The following DGKK variants were observed in gnomAD, a reference collection of about 807,000 sequenced individuals.
DGKK encodes the protein diacylglycerol kinase kappa.
In DGKK, 35 loss-of-function variants were observed where a neutral mutation model predicts 92.2. The ratio of observed to expected loss-of-function variants is 0.38; its 90% CI spans 0.29 to 0.50. The LOEUF (loss-of-function observed/expected upper bound fraction) is 0.50, where lower values mean the gene tolerates loss of function less well. Among genes scored for constraint, DGKK ranks in the 20% least tolerant of loss-of-function variants. DGKK has a pLI of 0.92. For missense variants in DGKK, 910 were observed against 992.2 expected (o/e 0.92, Z 1.11); for synonymous variants, 368 against 360.6 (o/e 1.02, Z -0.23).
At chrX:50,429,175 C>T (rs1278717151) in intron 1 of DGKK, among the ~76,000 whole-genome samples, 1 of 111,670 alleles carries the variant, frequency 9.0e-6, no homozygotes, top group African/African-American at 3.3e-5. Flanking sequence ...TGCAGTATCA[C>T]GTCTGACTTC....
In DGKK at chrX:50,450,313, T is replaced by C. The variant is rs781788208; in HGVS notation, c.645+19721A>G. ...CTGATTACTTGACCACATCATACAC[T>C]GGCTGTTTAGTTTCCAACTGCCATT... On this transcript the variant is annotated intron_variant, in intron 1 of 27. Coordinates refer to ENST00000611977, the MANE Select transcript of DGKK (RefSeq NM_001013742.4). 3.6e-5 allele frequency among the ~76,000 whole-genome samples: 4 copies of C among 112,260 alleles called. No homozygotes were observed. The East Asian group carries it at 1.1e-3, about 32-fold the overall frequency.
At chrX:50,421,673 A>G (rs1308412306) in intron 3 of DGKK, among the ~76,000 whole-genome samples, 1 of 111,974 alleles carries the variant, frequency 8.9e-6, no homozygotes, top group Non-Finnish European at 1.9e-5. Context: ...TGAGAGAGTA[A>G]CAAAGCAAAA....
Position 50,376,905 on chromosome X carries a change from G to A in DGKK, c.3125C>T (p.Ser1042Leu). 8.3e-7 allele frequency: 1 copy of A among 1,199,054 alleles called. No individual in the cohort carries two copies. Among genetic ancestry groups the A allele is most frequent in the Middle Eastern group, 2.4e-4 (1 of 4,254 alleles). The change falls in exon 23 of 28, where the codon TCA becomes TTA. Residue 1042 changes from serine to leucine, a missense_variant. By Grantham distance (145) the Ser-to-Leu change is moderately radical. Transcript: ENST00000611977. ...ATGCTTGTATTCCCACATTTTCATT[G>A]AGTTCTCAAAGTCCTGGAGATGAAT... The part of the protein sequence containing the change: ...MLTRDRDFEN[S>L]MKMWEYKHTE...
chrX:50,404,178 C>G lies in DGKK; in HGVS notation c.949G>C (p.Ala317Pro). The change falls in exon 5 of 28, where the codon GCA (alanine) becomes CCA (proline). Residue 317 changes from alanine to proline, a missense_variant. Transcript: ENST00000611977. ...IQQGEIYKIP[A>P]AENNPFLVGM... ...ACAAGAAAAGGGTTGTTTTCTGCTGCAGGTATCTAAAATAAATAAACGAGA... is the reference window on the plus strand; with the variant it reads ...ACAAGAAAAGGGTTGTTTTCTGCTGGAGGTATCTAAAATAAATAAACGAGA... 1 of 1,204,079 alleles carries G rather than the reference C, an allele frequency of 8.3e-7. No homozygotes were observed. Among genetic ancestry groups the G allele is most frequent in the African/African-American group, 1.7e-5 (1 of 57,491 alleles).
At chrX:50,466,295 C>G (rs1163999872) in intron 1 of DGKK, among the ~76,000 whole-genome samples, 1 of 110,923 alleles carries the variant, frequency 9.0e-6, no homozygotes, top group Non-Finnish European at 1.9e-5. Context: ...TTCATTCTGA[C>G]CTTCAACAGG....
intron 7 of DGKK, among the ~76,000 whole-genome samples, chrX:50,402,329 C>A (rs2147128921): frequency 9.0e-6 from 1 of 111,582 alleles, no homozygotes; most frequent in East Asian, 2.8e-4. Context: ...GAGGAGCCCA[C>A]CTCACACGAG....
In DGKK at chrX:50,470,744, G is replaced by A. The variant is rs1326089325; in HGVS notation, c.-66C>T. 32 of 1,064,259 alleles carry A rather than the reference G, an allele frequency of 3.0e-5. No individual in the cohort carries two copies. In the East Asian group the frequency reaches 1.0e-3, roughly 35 times the overall value. 87.7% of individuals were successfully genotyped at this position (1,064,259 alleles called of 1,213,427 possible). ...AGCCTGGAAGGCTAAAGTACCCTCG[G>A]GCGCCCCGCCCACTCCAGTCCGGCA... is the stretch of plus-strand genomic sequence containing the variant. On this transcript the variant is annotated 5_prime_UTR_variant, in exon 1 of 28. Transcript: ENST00000611977.
At chrX:50,469,545 C>G (rs1926997997) in intron 1 of DGKK, among the ~76,000 whole-genome samples, 1 of 112,305 alleles carries the variant, frequency 8.9e-6, no homozygotes, top group Admixed American at 9.3e-5. Flanking sequence ...TGAGGCGCCC[C>G]CTCCCCAGTG....
intron 4 of DGKK, among the ~76,000 whole-genome samples, chrX:50,419,625 A>T (rs1464108653): frequency 1.8e-5 from 2 of 112,136 alleles, no homozygotes; most frequent in African/African-American, 6.5e-5. Context: ...TCATTTATTC[A>T]TTCAAAAGAT....
intron 1 of DGKK, among the ~76,000 whole-genome samples, chrX:50,450,907 T>C (rs937209682): frequency 2.4e-4 from 27 of 111,571 alleles, no homozygotes; most frequent in Non-Finnish European, 3.8e-4. Context: ...TGTTGCAATG[T>C]CAATGCATAA....
intron 11 of DGKK, 101 bp from the exon 12 acceptor site, chrX:50,390,510 G>A (rs782627585): frequency 1.2e-5 from 9 of 738,803 alleles, no homozygotes; most frequent in African/African-American, 2.1e-5. Flanking sequence ...TTTATGTGGT[G>A]GGGGGAGGTG....
intron 5 of DGKK, 46 bp from the exon 6 acceptor site, chrX:50,403,643 T>C: frequency 9.6e-7 from 1 of 1,044,028 alleles, no homozygotes; most frequent in Non-Finnish European, 1.3e-6. Context: ...CTGGTGACAG[T>C]GAGGATTCTA....
Position 50,388,574 on chromosome X carries a change from G to T in DGKK, c.1971C>A (p.Asn657Lys). 1 of 1,208,574 alleles carries T rather than the reference G, an allele frequency of 8.3e-7. No homozygotes were observed. Among genetic ancestry groups the T allele is most frequent in the Non-Finnish European group, 1.1e-6 (1 of 893,950 alleles). ...QHLESAATEL[N>K]KILKAKYPTE... is the part of the protein sequence containing the mutation. ...TGGGGTACTTGGCCTTCAGGATTTTGTTCAACTCGGTGGCTGCAGATTCTA... is the reference window on the plus strand; with the variant it reads ...TGGGGTACTTGGCCTTCAGGATTTTTTTCAACTCGGTGGCTGCAGATTCTA... Residue 657 changes from asparagine to lysine, a missense_variant, in exon 13 of 28, where the codon AAC (asparagine) becomes AAA (lysine). Asn to Lys is a moderately conservative substitution (Grantham distance 94). Coordinates refer to ENST00000611977, the MANE Select transcript of DGKK (RefSeq NM_001013742.4).
At chrX:50,465,615 G>C (rs951904427) in intron 1 of DGKK, among the ~76,000 whole-genome samples, 1 of 110,597 alleles carries the variant, frequency 9.0e-6, no homozygotes, top group Non-Finnish European at 1.9e-5. Flanking sequence ...GCCTCTTCTC[G>C]TTTCTTCTCT....
rs782382127 is a variant in DGKK, at chrX:50,403,508, G to T, written c.1168C>A (p.Leu390Met). Residue 390 changes from leucine to methionine, a missense_variant, in exon 6 of 28, where the codon CTG becomes ATG. Transcript: ENST00000611977. Reference sequence around the variant, plus strand: ...GTACTTACTACTTCATCTGCAGGCAGAAGGAGGTCATCAGTGATAGACAAT... The same window carrying T: ...GTACTTACTACTTCATCTGCAGGCATAAGGAGGTCATCAGTGATAGACAAT... ...NTLSITDDLL[L>M]PADEVNMPHQ... The T allele has an allele frequency of 8.3e-7, 1 of 1,210,414 alleles. No individual in the cohort carries two copies. Among genetic ancestry groups the T allele is most frequent in the South Asian group, 1.8e-5 (1 of 56,952 alleles).
intron 1 of DGKK, among the ~76,000 whole-genome samples, chrX:50,462,993 C>G (rs73213622): frequency 0.047 from 4,685 of 99,274 alleles, 157 homozygotes; most frequent in Non-Finnish European, 0.073. Flanking sequence ...ACCACCCCCC[C>G]CACACGCACA....
In DGKK at chrX:50,420,437, ATGT is replaced by A; in HGVS notation, c.905_907del (p.Asn302del). The A allele has an allele frequency of 8.3e-7, 1 of 1,210,426 alleles. No individual in the cohort carries two copies. The highest frequency in any genetic ancestry group is 1.1e-6 in the Non-Finnish European group (1 of 894,647). On this transcript the variant is annotated inframe_deletion, in exon 4 of 28. Transcript: ENST00000611977. ...TTCTCCCTGTTGGATGGTTTTTATG[ATGT>A]TAATCCATTCTTCCATGTCTTTCCG...
chrX:50,432,380 G>T (rs927799732), intron 1 of DGKK, among the ~76,000 whole-genome samples: 1 of 112,374 alleles, frequency 8.9e-6, no homozygotes, highest in Admixed American at 9.4e-5. Context: ...CACTAAAAAG[G>T]TATTTTACAC....
intron 10 of DGKK, 111 bp from the exon 11 acceptor site, chrX:50,391,687 G>T: frequency 1.2e-6 from 1 of 839,314 alleles, no homozygotes; most frequent in Non-Finnish European, 1.7e-6. Context: ...AAAACCAGTG[G>T]ATTTACGGGA....
Sources: gnomAD v4.1 joint callset for allele counts (sites outside exome capture counted in the v4.1 genomes callset) on GRCh38, gnomAD v4.1.1 for gene constraint, MANE v1.5 for transcripts, NCBI Gene and HGNC (gene_info 2026-07-23, HGNC 2026-07-21) for gene names.